Variants in INTS9 observed in about 807,000 individuals in gnomAD.
The protein encoded by INTS9 is protein related to CPSF subunits of 74 kDa.
INTS9 carries 55 observed loss-of-function variants against 79.7 expected under a neutral mutation model. That is an observed-to-expected ratio of 0.69 (90% CI 0.56 to 0.86). INTS9 has a LOEUF of 0.86. INTS9 is among the 40% of genes least tolerant of loss of function. The pLI is 0.00. For synonymous variants in INTS9, 319 were observed against 325.2 expected (o/e 0.98, Z 0.20); for missense variants, 721 against 831.5 (o/e 0.87, Z 1.64).
At chr8:28,780,713 T>G (rs536026705) in intron 12 of INTS9, 110 bp downstream of exon 12, 2 of 1,512,430 alleles carry the variant, frequency 1.3e-6, no homozygotes, top group Non-Finnish European at 1.8e-6. Context: ...GAACAATGTT[T>G]GTATTTATGT....
chr8:28,881,313 C>G (rs1430989102), intron 1 of INTS9, among the ~76,000 whole-genome samples: 1 of 144,662 alleles, frequency 6.9e-6, no homozygotes, highest in Non-Finnish European at 1.5e-5. Context: ...GGGGATCAGC[C>G]CCCCGCCTGG....
chr8:28,770,817 G>A (rs1802484568), intron 15 of INTS9, among the ~76,000 whole-genome samples, 165 bp downstream of exon 15: 1 of 152,230 alleles, frequency 6.6e-6, no homozygotes, highest in African/African-American at 2.4e-5. Context: ...TTGGGATGAC[G>A]TGCGGCCTCA....
intron 6 of INTS9, among the ~76,000 whole-genome samples, chr8:28,833,932 C>T (rs965017272): frequency 1.3e-5 from 2 of 152,122 alleles, no homozygotes; most frequent in African/African-American, 4.8e-5. Context: ...TAGCACTCTA[C>T]GGCAACTCAC....
intron 4 of INTS9, among the ~76,000 whole-genome samples, chr8:28,843,920 G>C (rs1176885795): frequency 6.6e-6 from 1 of 152,032 alleles, no homozygotes; most frequent in Non-Finnish European, 1.5e-5. Flanking sequence ...GTGGCACTTC[G>C]TATGGGTCCC....
intron 1 of INTS9, among the ~76,000 whole-genome samples, chr8:28,862,676 A>C (rs982626327): frequency 6.6e-6 from 1 of 152,246 alleles, no homozygotes; most frequent in Non-Finnish European, 1.5e-5. Flanking sequence ...TTGGTAATAT[A>C]TCAGAAGATC....
intron 1 of INTS9, among the ~76,000 whole-genome samples, chr8:28,868,973 C>A (rs1808920723): frequency 1.3e-5 from 2 of 152,040 alleles, no homozygotes; most frequent in African/African-American, 4.8e-5. Context: ...GTGGCACGTA[C>A]CTTTAATCCC....
At chr8:28,814,964 A>C (rs984766401) in intron 6 of INTS9, among the ~76,000 whole-genome samples, 17 of 152,224 alleles carry the variant, frequency 1.1e-4, no homozygotes, top group Admixed American at 1.1e-3. Flanking sequence ...TAGACTTTCT[A>C]ATTAGTTTTT....
rs759465046 is a variant in INTS9, at chr8:28,837,636, C to T, written c.401+1G>A. 2.5e-6 allele frequency: 4 copies of T among 1,612,376 alleles called. No homozygotes were observed. Among genetic ancestry groups the T allele is most frequent in the Non-Finnish European group, 3.4e-6 (4 of 1,179,694 alleles). ...AGCAGGGTCAGAATCAACCCTCTCA[C>T]CTGCCGATCTGGACGGTGGGTTCCG... On this transcript the variant is annotated splice_donor_variant, in intron 5 of 16. Coordinates refer to ENST00000521022, the MANE Select transcript of INTS9 (RefSeq NM_018250.4). LOFTEE classifies it high-confidence loss of function.
intron 8 of INTS9, among the ~76,000 whole-genome samples, chr8:28,801,408 T>G (rs912358949): frequency 1.3e-5 from 2 of 151,852 alleles, no homozygotes; most frequent in Non-Finnish European, 2.9e-5. Context: ...GAGGAACTCT[T>G]AAGCCCAGGA....
intron 2 of INTS9, among the ~76,000 whole-genome samples, chr8:28,850,760 C>T (rs183137067): frequency 6.6e-5 from 10 of 152,346 alleles, no homozygotes; most frequent in African/African-American, 7.2e-5. Flanking sequence ...GTCCAATCCA[C>T]GCTTTGGGTT....
In INTS9 at chr8:28,780,926, C is replaced by T. The variant is rs771530190; in HGVS notation, c.1167G>A (p.Gln389=). The T allele has an allele frequency of 1.2e-6, 2 of 1,614,142 alleles. No individual in the cohort carries two copies. The highest frequency in any genetic ancestry group is 2.2e-5 in the East Asian group (1 of 44,894). ...GGTGCCCGGTGAACACCACACAGGG[C>T]TGTCTAAAGTCGTTGCTGAAGTCTC... The part of the protein sequence containing the change: ...IHGDFSNDFR[Q]PCVVFTGHPS... The change falls in exon 12 of 17, where the codon CAG becomes CAA. Residue 389 remains glutamine, a synonymous_variant. Transcript: ENST00000521022.
chr8:28,809,528 T>C (rs1804991552), intron 8 of INTS9, among the ~76,000 whole-genome samples: 1 of 152,216 alleles, frequency 6.6e-6, no homozygotes, highest in Non-Finnish European at 1.5e-5. Context: ...TTAAAATTAA[T>C]TACTTAGGTA....
At chr8:28,881,594 G>T (rs1212250440) in intron 1 of INTS9, among the ~76,000 whole-genome samples, 15 of 92,354 alleles carry the variant, frequency 1.6e-4, no homozygotes, top group Non-Finnish European at 2.1e-4. Flanking sequence ...TCAGCCCCCC[G>T]CCTGGCCAGC....
intron 1 of INTS9, among the ~76,000 whole-genome samples, chr8:28,865,055 A>C (rs1808664635): frequency 6.6e-6 from 1 of 152,042 alleles, no homozygotes; most frequent in Admixed American, 6.6e-5. Flanking sequence ...AGAGAATCAG[A>C]AGAAAAAATA....
intron 8 of INTS9, among the ~76,000 whole-genome samples, chr8:28,799,800 C>T (rs544049088): frequency 5.3e-5 from 8 of 152,250 alleles, no homozygotes; most frequent in Admixed American, 6.5e-5. Context: ...CTTTGCAAGC[C>T]GGGGACCCCT....
intron 6 of INTS9, among the ~76,000 whole-genome samples, chr8:28,829,909 GC>G (rs1359402911): frequency 2.0e-5 from 3 of 152,136 alleles, no homozygotes; most frequent in Admixed American, 1.3e-4. Flanking sequence ...CGAGTCAGCT[GC>G]CCCTATACAG....
chr8:28,789,807 G>A (rs1471869372), intron 10 of INTS9, among the ~76,000 whole-genome samples: 1 of 152,176 alleles, frequency 6.6e-6, no homozygotes, highest in Non-Finnish European at 1.5e-5. Context: ...GAGACCAGGA[G>A]GTTGAGGCTG....
intron 2 of INTS9, among the ~76,000 whole-genome samples, chr8:28,854,868 G>A (rs1251494346): frequency 6.6e-6 from 1 of 152,168 alleles, no homozygotes; most frequent in Non-Finnish European, 1.5e-5. Flanking sequence ...CCCACTTACA[G>A]GTGAGAACAT....
intron 1 of INTS9, among the ~76,000 whole-genome samples, chr8:28,880,581 A>C (rs1259590530): frequency 6.6e-6 from 1 of 151,206 alleles, no homozygotes; most frequent in African/African-American, 2.4e-5. Flanking sequence ...CCCAGGCTGG[A>C]GTGCAGCGGC....
Sources: gnomAD v4.1 joint callset for allele counts (sites outside exome capture counted in the v4.1 genomes callset) on GRCh38, gnomAD v4.1.1 for gene constraint, MANE v1.5 for transcripts, NCBI Gene and HGNC (gene_info 2026-07-23, HGNC 2026-07-21) for gene names.